The following TCN2 variants were observed in gnomAD, a reference collection of about 807,000 sequenced individuals.
The protein encoded by TCN2 is transcobalamin-2.
A neutral mutation model predicts 48.6 loss-of-function variants in TCN2; 34 were observed. That is an observed-to-expected ratio of 0.70 (90% CI 0.53 to 0.93). The LOEUF (loss-of-function observed/expected upper bound fraction) is 0.93. TCN2 is among the 40% of genes least tolerant of loss of function. TCN2 has a pLI of 0.00. For missense variants in TCN2, 652 were observed against 526.1 expected (o/e 1.24, Z -2.34); for synonymous variants, 283 against 212.5 (o/e 1.33, Z -2.89).
chr22:30,623,757 T>C (rs1375459417), intron 8 of TCN2, among the ~76,000 whole-genome samples: 1 of 65,272 alleles, frequency 1.5e-5, no homozygotes, highest in African/African-American at 9.3e-5. Context: ...CACATATATA[T>C]GTATATATAT....
chr22:30,613,096 T>A, intron 3 of TCN2, 54 bp downstream of exon 3: 1 of 1,599,546 alleles, frequency 6.3e-7, no homozygotes, highest in Non-Finnish European at 8.5e-7. Context: ...GCTCATCAGA[T>A]GATATTCTCC....
In TCN2 at chr22:30,612,986, G is replaced by A; in HGVS notation, c.371G>A (p.Gly124Glu). ...TGTGAGTTTGTCAGGGGCCACAAGG[G>A]GGACAGGCTGGTCTCACAGCTCAAA... ...ANCEFVRGHK[G>E]DRLVSQLKWF... Residue 124 changes from glycine (G) to glutamate (E), a missense_variant, in exon 3 of 9, where the codon GGG (glycine) becomes GAG (glutamate). By Grantham distance (98) the Gly-to-Glu change is moderately conservative. Transcript: ENST00000215838. 1.9e-6 allele frequency: 3 copies of A among 1,614,200 alleles called. No individual in the cohort carries two copies. Among genetic ancestry groups the A allele is most frequent in the South Asian group, 2.2e-5 (2 of 91,080 alleles).
chr22:30,618,442 C>T (rs2087647520), intron 7 of TCN2, among the ~76,000 whole-genome samples: 1 of 151,190 alleles, frequency 6.6e-6, no homozygotes, highest in Non-Finnish European at 1.5e-5. Context: ...ACCTCCGTCT[C>T]CTGGGTTCAA....
chr22:30,619,062 G>C (rs942013760), intron 7 of TCN2, among the ~76,000 whole-genome samples: 1 of 152,126 alleles, frequency 6.6e-6, no homozygotes, highest in Non-Finnish European at 1.5e-5. Context: ...GAGCCACTAT[G>C]CCTGGCCCAG....
chr22:30,619,808 A>G (rs771012231), intron 7 of TCN2, among the ~76,000 whole-genome samples: 4 of 152,162 alleles, frequency 2.6e-5, no homozygotes, highest in African/African-American at 4.8e-5. Flanking sequence ...ACCCCAGGTT[A>G]AGTTATTTCT....
chr22:30,619,973 G>C (rs895913412), intron 7 of TCN2, among the ~76,000 whole-genome samples: 3 of 152,138 alleles, frequency 2.0e-5, no homozygotes, highest in African/African-American at 7.2e-5. Flanking sequence ...GGGCAACATA[G>C]TGAGACTGCC....
intron 7 of TCN2, among the ~76,000 whole-genome samples, chr22:30,620,157 TTA>T (rs2087677082): frequency 6.6e-6 from 1 of 151,892 alleles, no homozygotes; most frequent in South Asian, 2.1e-4. Context: ...TTTTTTTTTT[TTA>T]AAAGACAAAG....
chr22:30,612,774 A>AAGATTTT, intron 2 of TCN2, 99 bp from the exon 3 acceptor site: 1 of 1,496,192 alleles, frequency 6.7e-7, no homozygotes, highest in South Asian at 1.2e-5. Context: ...TCCCACTGTT[A>AAGATTTT]AGATTTTTTC....
At chr22:30,612,253 A>T (rs5753234) in intron 2 of TCN2, among the ~76,000 whole-genome samples, 34,523 of 151,674 alleles carry the variant, frequency 0.23, 3,941 homozygotes, top group Middle Eastern at 0.26. Flanking sequence ...AGTAAAAAAA[A>T]AAAATAAAAA....
intron 6 of TCN2, among the ~76,000 whole-genome samples, chr22:30,616,202 G>A (rs567371258): frequency 7.2e-5 from 11 of 152,330 alleles, no homozygotes; most frequent in African/African-American, 2.2e-4. Flanking sequence ...TGGAGAAAGA[G>A]GCCAGGTGCA....
At chr22:30,610,111 G>C (rs902840097) in intron 1 of TCN2, 12 of 443,386 alleles carry the variant, frequency 2.7e-5, no homozygotes, top group South Asian at 1.7e-4. Context: ...TCCGCTTCCA[G>C]AGTGTTTGAG....
In TCN2 at chr22:30,626,558, C is replaced by T. The variant is rs531866634; in HGVS notation, c.*37C>T. 1.5e-4 allele frequency: 235 copies of T among 1,609,196 alleles called. 2 individuals carry two copies. In the South Asian group the frequency reaches 2.1e-3, roughly 14 times the overall value. On this transcript the variant is annotated 3_prime_UTR_variant, in exon 9 of 9. Transcript: ENST00000215838. ...CCTCATCCCAGCAGCCTCGCACACT[C>T]CCTAGGCTTCTACCCTCCCTCCTGA...
At chr22:30,621,945 T>C (rs539134311) in intron 7 of TCN2, among the ~76,000 whole-genome samples, 1 of 152,372 alleles carries the variant, frequency 6.6e-6, no homozygotes, top group South Asian at 2.1e-4. Context: ...CTGATCATGC[T>C]GCTTTCTCCT....
Position 30,617,416 on chromosome 22 carries a change from T to A in TCN2, c.1027T>A (p.Tyr343Asn), listed in dbSNP as rs2087628451. The A allele has an allele frequency of 1.2e-6, 2 of 1,613,950 alleles. No individual in the cohort carries two copies. The highest frequency in any genetic ancestry group is 1.7e-5 in the Admixed American group (1 of 59,968). The change falls in exon 7 of 9, where the codon TAC (tyrosine) becomes AAC (asparagine). Residue 343 changes from tyrosine (Y) to asparagine (N), a missense_variant. Physicochemically the swap from Tyr to Asn is moderately radical, Grantham distance 143. Coordinates refer to ENST00000215838, the MANE Select transcript of TCN2 (RefSeq NM_000355.4). ...GCAGGTGCTTAGTCTCTTGCCGCCG[T>A]ACAGACAGTCCATCTCTGTTCTGGC... ...TLQVLSLLPPYRQSISVLAGS... is the reference protein window; with the variant it reads ...TLQVLSLLPPNRQSISVLAGS...
In TCN2 at chr22:30,624,002, A is replaced by ATATGTATACATATATACACACATATG. The variant is rs2087761903; in HGVS notation, c.1222+944_1222+945insGTATGTATACATATATACACACATAT. ...TATGTATACATATATACACACATAT[A>ATATGTATACATATATACACACATATG]TATGTATACATATATACACACATAT... is the stretch of plus-strand genomic sequence containing the variant. On this transcript the variant is annotated intron_variant, in intron 8 of 8. Coordinates refer to ENST00000215838, the MANE Select transcript of TCN2 (RefSeq NM_000355.4). Among the ~76,000 whole-genome samples, 2 of 78,250 alleles carry ATATGTATACATATATACACACATATG rather than the reference A, an allele frequency of 2.6e-5. 1 individual carries two copies. The highest frequency in any genetic ancestry group is 4.5e-5 in the Non-Finnish European group (2 of 44,548). The allele number at this position is 78,250 out of a possible 152,430, so 51.3% of individuals were successfully genotyped here.
intron 1 of TCN2, among the ~76,000 whole-genome samples, chr22:30,608,778 G>C (rs545870989): frequency 6.6e-6 from 1 of 152,154 alleles, no homozygotes; most frequent in African/African-American, 2.4e-5. Flanking sequence ...GTTCATGTCC[G>C]GACAGTCCCC....
intron 2 of TCN2, among the ~76,000 whole-genome samples, chr22:30,612,245 T>TAA (rs34767507): frequency 2.1e-3 from 298 of 142,896 alleles, no homozygotes; most frequent in African/African-American, 6.7e-3. Flanking sequence ...CCTATCTCAG[T>TAA]AAAAAAAAAA....
intron 1 of TCN2, chr22:30,610,182 G>C (rs1029535950): frequency 2.1e-6 from 1 of 470,062 alleles, no homozygotes; most frequent in Non-Finnish European, 4.4e-6. Flanking sequence ...TGCAAGCTGT[G>C]ACTGTTTTCT....
rs2087789657 is a variant in TCN2 at position 30,625,313 on chromosome 22, TG to T, written c.1223-1142del. ...GGACACTGACAGATTCAGTGTCTGA[TG>T]GGGGCCCACTTTCTGGTGTTACCTG... On this transcript the variant is annotated intron_variant, in intron 8 of 8. Coordinates refer to ENST00000215838, the MANE Select transcript of TCN2 (RefSeq NM_000355.4). Among the ~76,000 whole-genome samples the T allele has an allele frequency of 2.6e-5, 4 of 152,236 alleles. No individual in the cohort carries two copies. The South Asian group carries it at 8.3e-4, about 32-fold the overall frequency.
Sources: allele counts gnomAD v4.1 joint callset (sites outside exome capture counted in the v4.1 genomes callset), GRCh38; gene constraint gnomAD v4.1.1; transcripts MANE v1.5; gene names NCBI Gene and HGNC (gene_info 2026-07-23, HGNC 2026-07-21).